The following HMCN1 variants were observed in gnomAD, a reference collection of about 807,000 sequenced individuals.
HMCN1 encodes the protein hemicentin 1.
In HMCN1, 321 loss-of-function variants were observed where a neutral mutation model predicts 625.9. The ratio of observed to expected loss-of-function variants is 0.51; its 90% CI spans 0.47 to 0.56. The LOEUF (loss-of-function observed/expected upper bound fraction) is 0.56, where lower values mean the gene tolerates loss of function less well. Among genes scored for constraint, HMCN1 ranks in the 20% least tolerant of loss-of-function variants. The pLI is 0.00. For missense variants in HMCN1, 6,588 were observed against 6,887.3 expected (o/e 0.96, Z 1.54); for synonymous variants, 2,425 against 2,417.6 (o/e 1.00, Z -0.09).
At chr1:186,064,594 G>A (rs1657984487) in intron 48 of HMCN1, among the ~76,000 whole-genome samples, 2 of 151,960 alleles carry the variant, frequency 1.3e-5, no homozygotes, top group Non-Finnish European at 2.9e-5. Context: ...TGGATCACAA[G>A]GTCAGGAGAT....
At chr1:186,008,222 T>C (rs1424842156) in intron 30 of HMCN1, among the ~76,000 whole-genome samples, 1 of 152,142 alleles carries the variant, frequency 6.6e-6, no homozygotes, top group Non-Finnish European at 1.5e-5. Flanking sequence ...TCAAGAAATA[T>C]TTGCTAAATG....
At chr1:185,931,191 C>T (rs1242216470) in intron 10 of HMCN1, among the ~76,000 whole-genome samples, 3 of 152,136 alleles carry the variant, frequency 2.0e-5, no homozygotes, top group African/African-American at 7.2e-5. Flanking sequence ...TCCTGATTCT[C>T]AGTCTCATGG....
At chr1:186,048,624 A>AT (rs1656733136) in intron 41 of HMCN1, 119 bp from the exon 42 acceptor site, 2 of 709,688 alleles carry the variant, frequency 2.8e-6, no homozygotes, top group Middle Eastern at 7.8e-4. Context: ...TATTTTGTCT[A>AT]TTTTTTATAT....
intron 63 of HMCN1, among the ~76,000 whole-genome samples, chr1:186,089,423 C>G (rs1659709859): frequency 6.6e-6 from 1 of 151,902 alleles, no homozygotes; most frequent in South Asian, 2.1e-4. Flanking sequence ...ATTATGAATT[C>G]TACTATGAAT....
rs1378817681 is a variant in HMCN1 at position 185,983,806 on chromosome 1, G to C, written c.2791-363G>C. On this transcript the variant is annotated intron_variant, in intron 18 of 106. Coordinates refer to ENST00000271588, the MANE Select transcript of HMCN1 (RefSeq NM_031935.3). ...TCAAATGGCTTGCTAGTGGTAATAAGGCCTTCTTGGAAAAGAACACTTTAA... is the reference window on the plus strand; with the variant it reads ...TCAAATGGCTTGCTAGTGGTAATAACGCCTTCTTGGAAAAGAACACTTTAA... Among the ~76,000 whole-genome samples, 4 of 152,136 alleles carry C rather than the reference G, an allele frequency of 2.6e-5. No homozygotes were observed. In the South Asian group the frequency reaches 8.3e-4, roughly 32 times the overall value.
At chr1:185,979,601 T>C (rs1367707058) in intron 16 of HMCN1, among the ~76,000 whole-genome samples, 1 of 152,202 alleles carries the variant, frequency 6.6e-6, no homozygotes, top group African/African-American at 2.4e-5. Context: ...ATGAAAAATA[T>C]CCCAGTTAGA....
chr1:185,961,186 A>T (rs1368800035), intron 11 of HMCN1, among the ~76,000 whole-genome samples: 2 of 152,190 alleles, frequency 1.3e-5, no homozygotes, highest in African/African-American at 2.4e-5. Context: ...AGCTTCCTTC[A>T]GTTGTGTAGC....
In HMCN1 at chr1:186,082,980, A is replaced by G; in HGVS notation, c.8884+19A>G. ...GTTCATGGTAAGAGCTCAGTTCCAA[A>G]ACCATCTGTTAGGGTATGCTTGGAA... On this transcript the variant is annotated intron_variant, in intron 57 of 106. Transcript: ENST00000271588. 6.9e-7 allele frequency: 1 copy of G among 1,453,312 alleles called. No individual in the cohort carries two copies. Among genetic ancestry groups the G allele is most frequent in the Non-Finnish European group, 9.6e-7 (1 of 1,046,678 alleles). The allele number at this position is 1,453,312 out of a possible 1,614,324, so 90.0% of individuals were successfully genotyped here. A position where few individuals can be genotyped will look rare whatever the true frequency, so the allele number is the denominator to read the frequency against.
rs533703348 is a variant in HMCN1 at position 185,809,159 on chromosome 1, A to G, written c.269-36867A>G. ...ATGTCTAAGAACGAGAAAGAGGCCA[A>G]GTATTTTCCTTCACCATAGTAAAAA... On this transcript the variant is annotated intron_variant, in intron 1 of 106. Transcript: ENST00000271588. Among the ~76,000 whole-genome samples the G allele has an allele frequency of 3.9e-5, 6 of 152,278 alleles. No homozygotes were observed. In the South Asian group the frequency reaches 1.0e-3, roughly 26 times the overall value.
intron 10 of HMCN1, among the ~76,000 whole-genome samples, chr1:185,929,238 A>T (rs1356933105): frequency 2.6e-5 from 4 of 152,150 alleles, no homozygotes; most frequent in African/African-American, 9.7e-5. Flanking sequence ...AAATGATTAC[A>T]TTCTAAGAAC....
intron 1 of HMCN1, among the ~76,000 whole-genome samples, chr1:185,837,024 G>A (rs1661211676): frequency 6.7e-6 from 1 of 149,928 alleles, no homozygotes; most frequent in Non-Finnish European, 1.5e-5. Context: ...GTGTGTGTGT[G>A]TGTGTGTATA....
chr1:186,127,177 G>C (rs967896906), intron 82 of HMCN1, among the ~76,000 whole-genome samples: 1 of 152,082 alleles, frequency 6.6e-6, no homozygotes, highest in Non-Finnish European at 1.5e-5. Flanking sequence ...GTACAGGAAG[G>C]GGCCATTGGA....
At chr1:186,122,666 G>A (rs1661451431) in intron 80 of HMCN1, among the ~76,000 whole-genome samples, 2 of 152,208 alleles carry the variant, frequency 1.3e-5, no homozygotes, top group African/African-American at 4.8e-5. Flanking sequence ...TGTTGATACA[G>A]CTTAAATTTT....
At chr1:186,159,895 G>C (rs763323948) in intron 97 of HMCN1, among the ~76,000 whole-genome samples, 25 of 152,120 alleles carry the variant, frequency 1.6e-4, no homozygotes, top group Non-Finnish European at 2.5e-4. Flanking sequence ...TTTTGGTTGT[G>C]TCTCTGCCTG....
chr1:185,984,266 G>A lies in HMCN1; in HGVS notation c.2888G>A (p.Ser963Asn). 1 of 1,613,994 alleles carries A rather than the reference G, an allele frequency of 6.2e-7. No individual in the cohort carries two copies. The change falls in exon 19 of 107, where the codon AGT (serine) becomes AAT (asparagine). Residue 963 changes from serine to asparagine, a missense_variant. Ser to Asn is a conservative substitution (Grantham distance 46, BLOSUM62 1). Transcript: ENST00000271588. ...QDGGEYTCVA[S>N]NVAGTNNKTT... is the part of the protein sequence containing the mutation. ...GGTGGTGAATATACTTGTGTGGCCA[G>A]TAACGTTGCTGGGACCAATAACAAA... is the stretch of plus-strand genomic sequence containing the variant.
intron 43 of HMCN1, 112 bp from the exon 44 acceptor site, chr1:186,053,713 T>C (rs1657120573): frequency 9.0e-6 from 9 of 1,003,424 alleles, no homozygotes; most frequent in Non-Finnish European, 1.4e-5. Flanking sequence ...TATTTTACAG[T>C]GTCATTTGCC....
chr1:186,041,630 C>A lies in HMCN1; in HGVS notation c.6304+494C>A, dbSNP rs1656213462. ...TTTACGTTTTTGCCCACTCTCAATG[C>A]CGCTCACAATGCTCACAAAAGGGAA... On this transcript the variant is annotated intron_variant, in intron 40 of 106. Transcript: ENST00000271588. Among the ~76,000 whole-genome samples, 3 of 152,088 alleles carry A rather than the reference C, an allele frequency of 2.0e-5. No homozygotes were observed. The South Asian group carries it at 6.2e-4, about 32-fold the overall frequency.
In HMCN1 at chr1:186,151,382, C is replaced by A. The variant is rs772546261; in HGVS notation, c.14758+33C>A. On this transcript the variant is annotated intron_variant, in intron 94 of 106. Coordinates refer to ENST00000271588, the MANE Select transcript of HMCN1 (RefSeq NM_031935.3). The stretch of plus-strand genomic sequence containing the variant: ...TTTGCCTCAAGCCTCTTTTTAAAAA[C>A]TTATATATTATTCTTCATCTTATTA... 5.0e-6 allele frequency: 8 copies of A among 1,586,992 alleles called. No individual in the cohort carries two copies. The African/African-American group carries it at 1.1e-4, about 21-fold the overall frequency.
At chr1:186,006,881 A>C (rs895295060) in intron 29 of HMCN1, among the ~76,000 whole-genome samples, 1 of 151,972 alleles carries the variant, frequency 6.6e-6, no homozygotes, top group Non-Finnish European at 1.5e-5. Context: ...GATTTCTATT[A>C]ATATTATTAT....
Sources: gnomAD v4.1 joint callset for allele counts (sites outside exome capture counted in the v4.1 genomes callset) on GRCh38, gnomAD v4.1.1 for gene constraint, MANE v1.5 for transcripts, NCBI Gene and HGNC (gene_info 2026-07-23, HGNC 2026-07-21) for gene names.